CADM2: variants seen among roughly 807,000 people sequenced by gnomAD.
CADM2 encodes cell adhesion molecule 2.
In CADM2, 12 loss-of-function variants were observed where a neutral mutation model predicts 49.8. That is an observed-to-expected ratio of 0.24 (90% confidence interval 0.15 to 0.39). The LOEUF is 0.39. Among genes scored for constraint, CADM2 ranks in the 10% least tolerant of loss-of-function variants. The pLI is 1.00. For missense variants in CADM2, 378 were observed against 492.3 expected, an observed-to-expected ratio of 0.77 and a Z score of 2.20; for synonymous variants, 214 against 175.4, an observed-to-expected ratio of 1.22 and a Z score of -1.74.
intron 1 of CADM2, among the ~76,000 whole-genome samples, chr3:85,397,388 C>A (rs1017925378): frequency 1.3e-5 from 2 of 152,112 alleles, no homozygotes; most frequent in African/African-American, 2.4e-5. Flanking sequence ...TGATTATATA[C>A]AACCCAAAAG....
chr3:85,513,176 C>T (rs1314210196), intron 1 of CADM2, among the ~76,000 whole-genome samples: 2 of 151,992 alleles, frequency 1.3e-5, no homozygotes. Flanking sequence ...TTTGTAGAAG[C>T]ATATTCTATC....
intron 1 of CADM2, among the ~76,000 whole-genome samples, chr3:85,448,843 G>T (rs1257894850): frequency 6.6e-6 from 1 of 151,822 alleles, no homozygotes; most frequent in Non-Finnish European, 1.5e-5. Context: ...GAGGTCAGGA[G>T]ATCGAGACCA....
intron 1 of CADM2, among the ~76,000 whole-genome samples, chr3:85,681,756 GA>G (rs1206875565): frequency 6.6e-6 from 1 of 151,964 alleles, no homozygotes; most frequent in South Asian, 2.1e-4. Context: ...GTAGCACAGA[GA>G]AAAAAATTAA....
At chr3:85,844,860 T>C (rs76787953) in intron 3 of CADM2, among the ~76,000 whole-genome samples, 1 of 151,926 alleles carries the variant, frequency 6.6e-6, no homozygotes, top group Admixed American at 6.6e-5. Flanking sequence ...TGTAAAAAAA[T>C]GAGCTTTAGT....
At chr3:85,167,231 C>T (rs188252593) in intron 1 of CADM2, among the ~76,000 whole-genome samples, 3 of 152,102 alleles carry the variant, frequency 2.0e-5, no homozygotes, top group Admixed American at 6.6e-5. Context: ...TTTCGCTCCT[C>T]CTATCATGCA....
At chr3:85,554,216 A>C (rs573974988) in intron 1 of CADM2, among the ~76,000 whole-genome samples, 2 of 152,154 alleles carry the variant, frequency 1.3e-5, no homozygotes, top group Non-Finnish European at 2.9e-5. Context: ...CGTAAGGAGT[A>C]TGCAGCTTTG....
chr3:85,303,923 G>A (rs933973480), intron 1 of CADM2, among the ~76,000 whole-genome samples: 2 of 151,800 alleles, frequency 1.3e-5, no homozygotes, highest in Non-Finnish European at 2.9e-5. Context: ...AAACACCTCC[G>A]AACAAATTAC....
intron 1 of CADM2, among the ~76,000 whole-genome samples, chr3:85,040,728 A>G (rs2035401096): frequency 6.6e-6 from 1 of 152,224 alleles, no homozygotes; most frequent in Non-Finnish European, 1.5e-5. Context: ...ATAATAATGC[A>G]TATTTTAATT....
intron 8 of CADM2, among the ~76,000 whole-genome samples, chr3:86,033,653 T>C (rs1734803503): frequency 7.1e-6 from 1 of 141,630 alleles, no homozygotes; most frequent in Admixed American, 7.4e-5. Context: ...ATCCACTTCA[T>C]TTCAAGTTTA....
chr3:85,679,267 TAGG>T (rs1559588299), intron 1 of CADM2, among the ~76,000 whole-genome samples: 1 of 151,790 alleles, frequency 6.6e-6, no homozygotes, highest in East Asian at 1.9e-4. Flanking sequence ...AATGAAAAAA[TAGG>T]AGTTCACAAG....
chr3:85,911,391 A>G (rs968991861), intron 5 of CADM2, among the ~76,000 whole-genome samples: 2 of 152,230 alleles, frequency 1.3e-5, no homozygotes, highest in African/African-American at 2.4e-5. Context: ...TAAATCATGC[A>G]CAGCAAGTTT....
intron 8 of CADM2, among the ~76,000 whole-genome samples, chr3:85,964,162 T>C (rs984686751): frequency 3.3e-5 from 5 of 151,900 alleles, no homozygotes; most frequent in African/African-American, 9.7e-5. Context: ...GAAATTTGAG[T>C]GGCATTTCGA....
At chr3:85,357,523 T>C in intron 1 of CADM2, among the ~76,000 whole-genome samples, 1 of 152,090 alleles carries the variant, frequency 6.6e-6, no homozygotes, top group East Asian at 1.9e-4. Flanking sequence ...ATTTAAGTAT[T>C]ATATCCATCT....
At chr3:85,364,825 C>A (rs2032626748) in intron 1 of CADM2, among the ~76,000 whole-genome samples, 1 of 151,962 alleles carries the variant, frequency 6.6e-6, no homozygotes, top group Non-Finnish European at 1.5e-5. Flanking sequence ...AGGAACATAC[C>A]CTTGTGGTTC....
chr3:85,543,420 A>ATGTGTGTGTGGGGGTGTGTGTG (rs546846641), intron 1 of CADM2, among the ~76,000 whole-genome samples: 1 of 129,584 alleles, frequency 7.7e-6, no homozygotes, highest in Non-Finnish European at 1.7e-5. Flanking sequence ...TGCCAAGCTA[A>ATGTGTGTGTGGGGGTGTGTGTG]TGTGTGTGTG....
chr3:85,481,153 C>T (rs1261797030), intron 1 of CADM2, among the ~76,000 whole-genome samples: 1 of 150,154 alleles, frequency 6.7e-6, no homozygotes, highest in Non-Finnish European at 1.5e-5. Context: ...ATTTTAGTTT[C>T]AATGATAAGA....
chr3:85,025,242 T>A (rs2034675700), intron 1 of CADM2, among the ~76,000 whole-genome samples: 1 of 152,272 alleles, frequency 6.6e-6, no homozygotes, highest in South Asian at 2.1e-4. Context: ...TTGGTTTATA[T>A]TATTTGTAAT....
intron 1 of CADM2, among the ~76,000 whole-genome samples, chr3:85,448,303 A>G (rs1221054484): frequency 1.4e-5 from 2 of 146,008 alleles, no homozygotes; most frequent in Admixed American, 1.4e-4. Context: ...ACTGCACTCC[A>G]GCCTGGGCGA....
intron 1 of CADM2, among the ~76,000 whole-genome samples, chr3:84,968,081 A>G (rs930984374): frequency 1.3e-5 from 2 of 151,860 alleles, no homozygotes; most frequent in Non-Finnish European, 2.9e-5. Flanking sequence ...CCACTGTTAT[A>G]TTTTTATTTT....
Sources: gnomAD v4.1 joint callset for allele counts (sites outside exome capture counted in the v4.1 genomes callset) on GRCh38, gnomAD v4.1.1 for gene constraint, MANE v1.5 for transcripts, NCBI Gene and HGNC (gene_info 2026-07-23, HGNC 2026-07-21) for gene names.